USP53: variants seen among roughly 807,000 people sequenced by gnomAD.
The protein encoded by USP53 is ubiquitin carboxyl-terminal hydrolase 53.
USP53 carries 71 observed loss-of-function variants against 94.9 expected under a neutral mutation model. The ratio of observed to expected loss-of-function variants is 0.75; its 90% CI spans 0.62 to 0.91. The LOEUF is 0.91. USP53 is among the 40% of genes least tolerant of loss of function. USP53 has a pLI of 0.00. For synonymous variants in USP53, 375 were observed against 422.7 expected (o/e 0.89, Z 1.39); for missense variants, 1,173 against 1,281.0 (o/e 0.92, Z 1.29).
intron 3 of USP53, among the ~76,000 whole-genome samples, chr4:119,228,107 A>C (rs1745563922): frequency 6.6e-6 from 1 of 152,244 alleles, no homozygotes; most frequent in African/African-American, 2.4e-5. Context: ...TTAGTAGGTC[A>C]GAAGTCTAGG....
At chr4:119,237,555 A>T (rs1355187156) in intron 4 of USP53, among the ~76,000 whole-genome samples, 5 of 132,290 alleles carry the variant, frequency 3.8e-5, no homozygotes, top group East Asian at 4.3e-4. Context: ...AAAAATAATT[A>T]AAAAAAAAAA....
intron 14 of USP53, 34 bp downstream of exon 14, chr4:119,268,454 C>T: frequency 1.3e-6 from 2 of 1,558,638 alleles, no homozygotes; most frequent in Non-Finnish European, 1.7e-6. Flanking sequence ...TACATAGTTC[C>T]AAGTGAGTGT....
intron 12 of USP53, among the ~76,000 whole-genome samples, chr4:119,262,263 T>A (rs1016902625): frequency 3.3e-5 from 5 of 152,162 alleles, no homozygotes; most frequent in African/African-American, 1.2e-4. Flanking sequence ...ATTATGACAA[T>A]TTTTTTCAAA....
Position 119,239,788 on chromosome 4 carries a change from C to T in USP53, c.29C>T (p.Pro10Leu). 1.2e-6 allele frequency: 2 copies of T among 1,611,528 alleles called. No homozygotes were observed. The highest frequency in any genetic ancestry group is 1.7e-6 in the Non-Finnish European group (2 of 1,179,096). The change falls in exon 5 of 19, where the codon CCT (proline) becomes CTT (leucine). Residue 10 changes from proline (P) to leucine (L), a missense_variant. Coordinates refer to ENST00000692078, the MANE Select transcript of USP53 (RefSeq NM_001371395.1). ...GCATGGGTAAAATTCTTACGGAAAC[C>T]TGGTGGCAATCTTGGAAAAGTTTAT... MAWVKFLRK[P>L]GGNLGKVYQP...
Position 119,268,146 on chromosome 4 carries a change from C to T in USP53, c.1136-122C>T, listed in dbSNP as rs1292400311. 1.1e-5 allele frequency: 11 copies of T among 1,031,512 alleles called. No homozygotes were observed. In the East Asian group the frequency reaches 3.0e-4, roughly 28 times the overall value. 63.9% of individuals were successfully genotyped at this position (1,031,512 alleles called of 1,614,324 possible). On this transcript the variant is annotated intron_variant, in intron 13 of 18. Coordinates refer to ENST00000692078, the MANE Select transcript of USP53 (RefSeq NM_001371395.1). ...TGCGCCACTGCAGTCCGCAGTCCGGCCTGGGCGACAGAGCGAGACTCCGTC... is the reference window on the plus strand; with the variant it reads ...TGCGCCACTGCAGTCCGCAGTCCGGTCTGGGCGACAGAGCGAGACTCCGTC...
In USP53 at chr4:119,256,379, A is replaced by G; in HGVS notation, c.486+20A>G. 6.2e-7 allele frequency: 1 copy of G among 1,613,218 alleles called. No homozygotes were observed. The highest frequency in any genetic ancestry group is 1.1e-5 in the South Asian group (1 of 91,066). On this transcript the variant is annotated intron_variant, in intron 8 of 18. Coordinates refer to ENST00000692078, the MANE Select transcript of USP53 (RefSeq NM_001371395.1). Reference sequence around the variant, plus strand: ...GAACAGGTGAGATGGCTTGATTATTATTTAGATATTGTAGTTCTGTTTTAT... The same window carrying G: ...GAACAGGTGAGATGGCTTGATTATTGTTTAGATATTGTAGTTCTGTTTTAT...
intron 17 of USP53, among the ~76,000 whole-genome samples, chr4:119,290,309 A>G (rs1033060403): frequency 6.6e-6 from 1 of 152,322 alleles, no homozygotes; most frequent in East Asian, 1.9e-4. Flanking sequence ...AACTTTTTTC[A>G]TAAGACTTCA....
At chr4:119,218,345 A>G (rs1744079131) in intron 3 of USP53, 1 of 152,224 alleles carries the variant, frequency 6.6e-6, no homozygotes, top group South Asian at 2.1e-4. Flanking sequence ...AGACTGCTGT[A>G]AGCCATTTTC....
chr4:119,247,546 T>C (rs1317997660), intron 6 of USP53, among the ~76,000 whole-genome samples: 1 of 152,220 alleles, frequency 6.6e-6, no homozygotes, highest in Non-Finnish European at 1.5e-5. Flanking sequence ...GTATCTATTT[T>C]TCTCTACTGT....
chr4:119,292,764 A>G lies in USP53; in HGVS notation c.2775A>G (p.Pro925=), dbSNP rs766529830. ...GCCAGAATCTACCACCCCCTTTGCCACCAAAGAAATATGCTATAACCAGTG... is the reference window on the plus strand; with the variant it reads ...GCCAGAATCTACCACCCCCTTTGCCGCCAAAGAAATATGCTATAACCAGTG... ...LFCQNLPPPL[P]PKKYAITSVP... Residue 925 remains proline, a synonymous_variant, in exon 19 of 19, where the codon CCA becomes CCG. Transcript: ENST00000692078. 6.2e-7 allele frequency: 1 copy of G among 1,614,088 alleles called. No individual in the cohort carries two copies. The highest frequency in any genetic ancestry group is 8.5e-7 in the Non-Finnish European group (1 of 1,179,964).
intron 12 of USP53, 66 bp downstream of exon 12, chr4:119,261,930 AT>A: frequency 1.7e-6 from 2 of 1,208,470 alleles, no homozygotes; most frequent in Admixed American, 2.9e-5. Context: ...TAAATGATAT[AT>A]TGATATTAAT....
At chr4:119,266,420 G>A (rs933955933) in intron 12 of USP53, 3 of 447,342 alleles carry the variant, frequency 6.7e-6, no homozygotes, top group African/African-American at 4.0e-5. Flanking sequence ...AGCAATGTAT[G>A]AGAGTTCCTG....
intron 17 of USP53, among the ~76,000 whole-genome samples, chr4:119,284,293 A>G (rs1753839331): frequency 7.0e-6 from 1 of 142,044 alleles, no homozygotes; most frequent in South Asian, 2.1e-4. Flanking sequence ...AATGGTCCAG[A>G]AAAAAAAAAA....
intron 14 of USP53, among the ~76,000 whole-genome samples, chr4:119,269,149 T>C (rs957503126): frequency 2.0e-5 from 3 of 152,244 alleles, no homozygotes; most frequent in Admixed American, 6.5e-5. Flanking sequence ...CTTTCACAGA[T>C]TATTGATACT....
At chr4:119,219,802 C>A (rs927803914) in intron 3 of USP53, 7 of 152,098 alleles carry the variant, frequency 4.6e-5, no homozygotes, top group African/African-American at 1.7e-4. Flanking sequence ...ATAGTCTTGT[C>A]TAGGGTAATG....
intron 3 of USP53, among the ~76,000 whole-genome samples, chr4:119,231,121 G>A (rs776227635): frequency 3.3e-5 from 5 of 152,248 alleles, no homozygotes; most frequent in South Asian, 4.2e-4. Context: ...GGAAGAGGTA[G>A]AAAACTGGAA....
chr4:119,270,821 G>C (rs1277821467), intron 15 of USP53, among the ~76,000 whole-genome samples: 1 of 152,112 alleles, frequency 6.6e-6, no homozygotes, highest in Non-Finnish European at 1.5e-5. Flanking sequence ...TTCCTTCAGA[G>C]GAATTTCTGG....
chr4:119,236,810 A>T (rs1746829537), intron 4 of USP53, among the ~76,000 whole-genome samples: 1 of 152,178 alleles, frequency 6.6e-6, no homozygotes, highest in South Asian at 2.1e-4. Flanking sequence ...AAGTGTTGGA[A>T]TCATTAACCA....
chr4:119,266,558 C>T (rs531738270), intron 12 of USP53, among the ~76,000 whole-genome samples: 1 of 152,250 alleles, frequency 6.6e-6, no homozygotes, highest in South Asian at 2.1e-4. Context: ...ATATTTTGAG[C>T]ATCTTTTCAT....
Sources: gnomAD v4.1 joint callset for allele counts (sites outside exome capture counted in the v4.1 genomes callset) on GRCh38, gnomAD v4.1.1 for gene constraint, MANE v1.5 for transcripts, NCBI Gene and HGNC (gene_info 2026-07-23, HGNC 2026-07-21) for gene names.